CTNNA2: variants seen among roughly 807,000 people sequenced by gnomAD.
CTNNA2 encodes the protein catenin alpha 2.
Under a neutral mutation model 101.0 loss-of-function variants are expected in CTNNA2, and 42 were observed. The ratio of observed to expected loss-of-function variants is 0.42; its 90% CI spans 0.32 to 0.54. The LOEUF (loss-of-function observed/expected upper bound fraction) is 0.54. Among genes scored for constraint, CTNNA2 ranks in the 20% least tolerant of loss-of-function variants. The pLI is 0.14. For missense variants in CTNNA2, 871 were observed against 1,223.1 expected, an observed-to-expected ratio of 0.71 and a Z score of 4.29; for synonymous variants, 450 against 456.4, an observed-to-expected ratio of 0.99 and a Z score of 0.18.
At chr2:79,744,153 T>A (rs565680429) in intron 2 of CTNNA2, among the ~76,000 whole-genome samples, 2 of 152,200 alleles carry the variant, frequency 1.3e-5, no homozygotes, top group Non-Finnish European at 2.9e-5. Context: ...TGGTTATTCA[T>A]GTGCTTTTGT....
At chr2:80,127,725 G>A (rs1702213838) in intron 7 of CTNNA2, among the ~76,000 whole-genome samples, 1 of 152,140 alleles carries the variant, frequency 6.6e-6, no homozygotes, top group South Asian at 2.1e-4. Context: ...TTGCACCTGA[G>A]GGAGACAGAG....
chr2:80,400,714 C>T (rs1433847235), intron 8 of CTNNA2, among the ~76,000 whole-genome samples: 1 of 152,176 alleles, frequency 6.6e-6, no homozygotes, highest in Non-Finnish European at 1.5e-5. Flanking sequence ...CCTTAAATCT[C>T]CGTCAGTCAT....
chr2:80,200,392 ATTATGCTGTG>A (rs1707124567), intron 7 of CTNNA2, among the ~76,000 whole-genome samples: 1 of 152,136 alleles, frequency 6.6e-6, no homozygotes, highest in South Asian at 2.1e-4. Context: ...CCTCACTATC[ATTATGCTGTG>A]TTATGTAATT....
intron 15 of CTNNA2, among the ~76,000 whole-genome samples, chr2:80,598,742 A>T (rs530739332): frequency 6.6e-6 from 1 of 152,350 alleles, no homozygotes; most frequent in African/African-American, 2.4e-5. Context: ...ATAAACCTTT[A>T]GATAATTATG....
At chr2:79,277,191 C>T (rs72818615) in intron 2 of CTNNA2, among the ~76,000 whole-genome samples, 8,074 of 152,200 alleles carry the variant, frequency 0.053, 323 homozygotes, top group Non-Finnish European at 0.072. Flanking sequence ...ATTGCAACAG[C>T]AGAAGCCCAG....
At chr2:79,231,237 GT>G (rs1674487986) in intron 2 of CTNNA2, among the ~76,000 whole-genome samples, 1 of 152,224 alleles carries the variant, frequency 6.6e-6, no homozygotes, top group Admixed American at 6.5e-5. Context: ...ATTCCCACAA[GT>G]TGTGGGAGAG....
chr2:80,088,693 T>C (rs1053305041), intron 7 of CTNNA2, among the ~76,000 whole-genome samples: 9 of 152,036 alleles, frequency 5.9e-5, no homozygotes, highest in African/African-American at 1.2e-4. Flanking sequence ...AGATGCTCAA[T>C]TGGTATTTGT....
intron 7 of CTNNA2, among the ~76,000 whole-genome samples, chr2:80,167,548 T>A (rs1573280714): frequency 6.6e-6 from 1 of 152,146 alleles, no homozygotes. Flanking sequence ...GTAAATACAG[T>A]GAAAATATGG....
intron 1 of CTNNA2, among the ~76,000 whole-genome samples, chr2:79,624,566 A>G (rs1679190215): frequency 6.6e-6 from 1 of 152,282 alleles, no homozygotes; most frequent in Admixed American, 6.5e-5. Flanking sequence ...ACTGCAATCA[A>G]ATAGATGTTG....
intron 4 of CTNNA2, among the ~76,000 whole-genome samples, chr2:79,387,822 G>T (rs940386278): frequency 6.6e-6 from 1 of 152,178 alleles, no homozygotes; most frequent in Non-Finnish European, 1.5e-5. Flanking sequence ...AAAAGAGCTG[G>T]ACTGGTAAAA....
At position 80,117,455 on chromosome 2, in the gene CTNNA2, A is replaced by AGAGTGTGT. The variant is rs143379167; in HGVS notation, c.1056+207659_1056+207660insAGTGTGTG. Among the ~76,000 whole-genome samples the AGAGTGTGT allele has an allele frequency of 8.9e-5, 13 of 145,988 alleles. No homozygotes were observed. The East Asian group carries it at 1.8e-3, about 21-fold the overall frequency. On this transcript the variant is annotated intron_variant, in intron 7 of 18. Coordinates refer to ENST00000402739, the MANE Select transcript of CTNNA2 (RefSeq NM_001282597.3). ...ATTCAGCATAGATGGTTCCTGTGTG[A>AGAGTGTGT]GTGTGTGTGTGTGTGTGTGTGTGTG... is the stretch of plus-strand genomic sequence containing the variant.
At chr2:80,570,733 G>A (rs770539600) in intron 12 of CTNNA2, among the ~76,000 whole-genome samples, 16 of 151,962 alleles carry the variant, frequency 1.1e-4, no homozygotes, top group African/African-American at 3.1e-4. Flanking sequence ...TTGAAAGGTC[G>A]ATGGTAGTTC....
intron 9 of CTNNA2, among the ~76,000 whole-genome samples, chr2:80,469,074 G>T (rs1685084074): frequency 6.6e-6 from 1 of 152,228 alleles, no homozygotes; most frequent in South Asian, 2.1e-4. Flanking sequence ...TGCTGTTTGT[G>T]TGGTGGTGGT....
rs577683509 is a variant in CTNNA2 at position 79,672,494 on chromosome 2, C to T, written c.102+20836C>T. ...CCATGAAAAAAGAAAAGAAAAATTT[C>T]GTAATGGAAAGTGAACTTTAAAAAA... On this transcript the variant is annotated intron_variant, in intron 2 of 18. Coordinates refer to ENST00000402739, the MANE Select transcript of CTNNA2 (RefSeq NM_001282597.3). 1.8e-4 allele frequency among the ~76,000 whole-genome samples: 28 copies of T among 151,842 alleles called. No individual in the cohort carries two copies. The South Asian group carries it at 3.3e-3, about 18-fold the overall frequency.
chr2:80,363,004 CA>C (rs35779761), intron 7 of CTNNA2, among the ~76,000 whole-genome samples: 14,345 of 114,274 alleles, frequency 0.13, 677 homozygotes, highest in Middle Eastern at 0.24. Context: ...GACATCGTCT[CA>C]AAAAAAAAAA....
intron 7 of CTNNA2, among the ~76,000 whole-genome samples, chr2:80,112,992 G>T (rs1378944811): frequency 2.0e-5 from 3 of 152,168 alleles, no homozygotes; most frequent in Non-Finnish European, 2.9e-5. Flanking sequence ...GCTGGCTGGT[G>T]CAATGATTAG....
At chr2:79,335,588 A>G (rs1365218665) in intron 3 of CTNNA2, among the ~76,000 whole-genome samples, 2 of 152,238 alleles carry the variant, frequency 1.3e-5, no homozygotes, top group African/African-American at 4.8e-5. Context: ...GTTCAATTAA[A>G]GAAGCACCTG....
chr2:79,503,213 G>A (rs984920596), intron 4 of CTNNA2, among the ~76,000 whole-genome samples: 1 of 152,000 alleles, frequency 6.6e-6, no homozygotes, highest in East Asian at 1.9e-4. Context: ...AAAGAACAGG[G>A]CTCATAGTTG....
chr2:79,549,514 A>G (rs1003507598), intron 1 of CTNNA2, among the ~76,000 whole-genome samples: 2 of 152,220 alleles, frequency 1.3e-5, no homozygotes, highest in African/African-American at 4.8e-5. Flanking sequence ...GTGCCAGATT[A>G]TAAGTATATA....
Sources: allele counts gnomAD v4.1 joint callset (sites outside exome capture counted in the v4.1 genomes callset), GRCh38; gene constraint gnomAD v4.1.1; transcripts MANE v1.5; gene names NCBI Gene and HGNC (gene_info 2026-07-23, HGNC 2026-07-21).